Variants in MSH4 observed in about 807,000 individuals in gnomAD.
MSH4 encodes the protein mutS homolog 4, also known as mutS protein homolog 4.
MSH4 carries 106 observed loss-of-function variants against 113.7 expected under a neutral mutation model. The observed-to-expected ratio is 0.93, with a 90% CI of 0.80 to 1.10. MSH4 has a LOEUF of 1.10. Among genes scored for constraint, MSH4 ranks in the 50% least tolerant of loss-of-function variants. The pLI is 0.00. For synonymous variants in MSH4, 368 were observed against 380.2 expected, an observed-to-expected ratio of 0.97 and a Z score of 0.37; for missense variants, 1,061 against 1,093.7, an observed-to-expected ratio of 0.97 and a Z score of 0.42.
intron 17 of MSH4, among the ~76,000 whole-genome samples, chr1:75,897,162 GTGC>G (rs1652403682): frequency 6.6e-6 from 1 of 152,102 alleles, no homozygotes; most frequent in Non-Finnish European, 1.5e-5. Flanking sequence ...TGGAAATCTT[GTGC>G]TGGCTGTAAG....
intron 3 of MSH4, among the ~76,000 whole-genome samples, chr1:75,810,474 C>T (rs1570941984): frequency 7.0e-6 from 1 of 142,374 alleles, no homozygotes; most frequent in East Asian, 2.1e-4. Flanking sequence ...AGGTGGGTCT[C>T]GAACTCCTGG....
chr1:75,818,347 A>G (rs1000847608), intron 6 of MSH4, among the ~76,000 whole-genome samples: 2 of 152,118 alleles, frequency 1.3e-5, no homozygotes, highest in African/African-American at 2.4e-5. Context: ...AAGCTCCACT[A>G]ACCTTGATCT....
intron 8 of MSH4, among the ~76,000 whole-genome samples, chr1:75,861,957 C>G (rs1651465088): frequency 6.6e-6 from 1 of 151,982 alleles, no homozygotes; most frequent in East Asian, 1.9e-4. Context: ...TTTGTTTACA[C>G]TGTGTGTATA....
chr1:75,797,070 C>A lies in MSH4; in HGVS notation c.85C>A (p.Pro29Thr). ...SSGETRSPQG[P>T]RYNFGLQETP... ...GGGAGAAACCCGCTCACCTCAGGGT[C>A]CCCGCTACAATTTCGGACTCCAGGA... Residue 29 changes from proline (P) to threonine (T), a missense_variant, in exon 1 of 20, where the codon CCC becomes ACC. Coordinates refer to ENST00000263187, the MANE Select transcript of MSH4 (RefSeq NM_002440.4). The A allele has an allele frequency of 3.1e-6, 5 of 1,614,058 alleles. No homozygotes were observed. The highest frequency in any genetic ancestry group is 3.4e-6 in the Non-Finnish European group (4 of 1,179,934).
Position 75,801,918 on chromosome 1 carries a change from C to G in MSH4, c.245-1813C>G, listed in dbSNP as rs146091540. Among the ~76,000 whole-genome samples the G allele has an allele frequency of 2.0e-5, 3 of 152,106 alleles. No homozygotes were observed. In the East Asian group the frequency reaches 5.8e-4, roughly 30 times the overall value. ...GCATGGTGGCTCCCGATTATAATCC[C>G]AGCATTTTGGGAGGCTGAGATGGGA... On this transcript the variant is annotated intron_variant, in intron 1 of 19. Coordinates refer to ENST00000263187, the MANE Select transcript of MSH4 (RefSeq NM_002440.4).
intron 9 of MSH4, among the ~76,000 whole-genome samples, chr1:75,875,267 G>A (rs1570981411): frequency 2.0e-5 from 3 of 152,254 alleles, no homozygotes; most frequent in East Asian, 1.9e-4. Context: ...AGACAAAATG[G>A]TTCTGATTCA....
At chr1:75,897,377 A>C (rs1327404987) in intron 17 of MSH4, among the ~76,000 whole-genome samples, 1 of 152,122 alleles carries the variant, frequency 6.6e-6, no homozygotes, top group Non-Finnish European at 1.5e-5. Flanking sequence ...TTTTTCCTCT[A>C]CCAGTACCTA....
chr1:75,884,991 G>GTA (rs1350555544), intron 15 of MSH4, among the ~76,000 whole-genome samples: 2 of 145,790 alleles, frequency 1.4e-5, no homozygotes, highest in Non-Finnish European at 3.0e-5. Context: ...ATATATATGT[G>GTA]TATATATATG....
chr1:75,878,609 G>A (rs1212706975), intron 11 of MSH4, among the ~76,000 whole-genome samples: 1 of 152,042 alleles, frequency 6.6e-6, no homozygotes, highest in African/African-American at 2.4e-5. Context: ...TTTGAGGCTA[G>A]CCTTGGCAAC....
At chr1:75,882,594 A>G (rs938202885) in intron 14 of MSH4, among the ~76,000 whole-genome samples, 3 of 150,832 alleles carry the variant, frequency 2.0e-5, no homozygotes, top group South Asian at 2.1e-4. Flanking sequence ...ATTTTATTCT[A>G]TAATCATACC....
intron 4 of MSH4, among the ~76,000 whole-genome samples, chr1:75,814,012 A>G (rs1026305993): frequency 6.6e-6 from 1 of 152,176 alleles, no homozygotes; most frequent in African/African-American, 2.4e-5. Context: ...AACCGGAGTT[A>G]ATAAGATATG....
chr1:75,880,362 AT>A (rs986100215), intron 13 of MSH4, among the ~76,000 whole-genome samples: 34 of 152,102 alleles, frequency 2.2e-4, no homozygotes, highest in African/African-American at 8.0e-4. Context: ...TTTATAATTG[AT>A]ATTTCTGTAA....
intron 9 of MSH4, among the ~76,000 whole-genome samples, chr1:75,867,888 T>C (rs1405568614): frequency 1.3e-5 from 2 of 152,214 alleles, no homozygotes; most frequent in Admixed American, 1.3e-4. Context: ...TTCAGAATAA[T>C]TAATACTGAT....
intron 7 of MSH4, among the ~76,000 whole-genome samples, chr1:75,826,821 A>T (rs1445441153): frequency 6.6e-6 from 1 of 152,142 alleles, no homozygotes; most frequent in Non-Finnish European, 1.5e-5. Context: ...CTGTGGTCTG[A>T]GAGACTGTTA....
chr1:75,848,170 C>A, intron 7 of MSH4, 39 bp from the exon 8 acceptor site: 2 of 1,346,908 alleles, frequency 1.5e-6, no homozygotes, highest in Non-Finnish European at 2.1e-6. Context: ...TGAACTGTAC[C>A]ATAAAGTTTA....
chr1:75,872,174 T>C (rs1651728425), intron 9 of MSH4, among the ~76,000 whole-genome samples: 1 of 152,184 alleles, frequency 6.6e-6, no homozygotes, highest in Admixed American at 6.5e-5. Flanking sequence ...CATTCCCAGA[T>C]TCTTCTATGC....
At chr1:75,840,071 G>C (rs1371147621) in intron 7 of MSH4, among the ~76,000 whole-genome samples, 1 of 151,952 alleles carries the variant, frequency 6.6e-6, no homozygotes, top group Non-Finnish European at 1.5e-5. Flanking sequence ...ACTGTTGGTG[G>C]GACTGTAAAC....
At chr1:75,805,865 A>G (rs1188229780) in intron 2 of MSH4, among the ~76,000 whole-genome samples, 2 of 152,018 alleles carry the variant, frequency 1.3e-5, no homozygotes, top group Non-Finnish European at 2.9e-5. Flanking sequence ...TCATCATCAT[A>G]AGATTATTAT....
At position 75,876,998 on chromosome 1, in the gene MSH4, G is replaced by A; in HGVS notation, c.1368G>A (p.Lys456=). ...CTTACTATGGTTCCTTGGAAGACAAGAGGTCTTTGTCACTCAACCGTTAAT... is the reference window on the plus strand; with the variant it reads ...CTTACTATGGTTCCTTGGAAGACAAAAGGTCTTTGTCACTCAACCGTTAAT... The part of the protein sequence containing the change: ...LRAYYGSLED[K]RFGIILEKIK... Residue 456 remains lysine, a splice_region_variant and synonymous_variant, in exon 10 of 20, where the codon AAG becomes AAA. Coordinates refer to ENST00000263187, the MANE Select transcript of MSH4 (RefSeq NM_002440.4). 3 of 1,546,682 alleles carry A rather than the reference G, an allele frequency of 1.9e-6. No homozygotes were observed. The highest frequency in any genetic ancestry group is 2.6e-6 in the Non-Finnish European group (3 of 1,145,426).
Sources: allele counts gnomAD v4.1 joint callset (sites outside exome capture counted in the v4.1 genomes callset), GRCh38; gene constraint gnomAD v4.1.1; transcripts MANE v1.5; gene names NCBI Gene and HGNC (gene_info 2026-07-23, HGNC 2026-07-21).